The following TMEM272 variants were observed in gnomAD, a reference collection of about 807,000 sequenced individuals.
TMEM272 encodes the protein long intergenic non-protein coding RNA 282.
Under a neutral mutation model 3.7 loss-of-function variants are expected in TMEM272, and 8 were observed. The ratio of observed to expected loss-of-function variants is 2.17; its 90% CI spans 1.27 to 3.91. The LOEUF is 3.91. TMEM272 is among the 30% of genes most tolerant of loss of function. The probability of loss-of-function intolerance (pLI) is 0.00; values close to 1 mark genes in which losing one functional copy is unlikely to be tolerated. For missense variants in TMEM272, 166 were observed against 91.5 expected (o/e 1.81, Z -3.32); for synonymous variants, 63 against 39.8 (o/e 1.58, Z -2.20).
chr13:51,833,132 C>T lies in TMEM272; in HGVS notation c.58+5341G>A, dbSNP rs183787513. ...TGGCTTTTCTGTCAAAGGAAAAAAGCCCAGAGGAAACAAAAGATTTGAGAG... is the reference window on the plus strand; with the variant it reads ...TGGCTTTTCTGTCAAAGGAAAAAAGTCCAGAGGAAACAAAAGATTTGAGAG... On this transcript the variant is annotated intron_variant, in intron 2 of 4. Coordinates refer to ENST00000629372, the MANE Select transcript of TMEM272 (RefSeq NM_001351003.2). 1.4e-3 allele frequency among the ~76,000 whole-genome samples: 210 copies of T among 152,012 alleles called. 2 individuals carry two copies. Among genetic ancestry groups the T allele is most frequent in the African/African-American group, 4.8e-3 (201 of 41,456 alleles).
At chr13:51,905,832 T>C in the TMEM272 span, among the ~76,000 whole-genome samples, 1 of 152,228 alleles carries the variant, frequency 6.6e-6, no homozygotes, top group Non-Finnish European at 1.5e-5. Flanking sequence ...GGTTCTATGA[T>C]GGAGAGCAAC....
chr13:51,820,763 G>A (rs1195768599), intron 4 of TMEM272, among the ~76,000 whole-genome samples: 2 of 152,186 alleles, frequency 1.3e-5, no homozygotes, highest in Non-Finnish European at 2.9e-5. Flanking sequence ...GGGGGCCATG[G>A]GGAAAATGTG....
chr13:51,925,678 A>G, the TMEM272 span, among the ~76,000 whole-genome samples: 12 of 152,094 alleles, frequency 7.9e-5, no homozygotes, highest in African/African-American at 2.9e-4. Flanking sequence ...CAGCTTGCCA[A>G]GGAGAGACAC....
chr13:51,897,594 T>C, the TMEM272 span, among the ~76,000 whole-genome samples: 1 of 151,970 alleles, frequency 6.6e-6, no homozygotes, highest in East Asian at 1.9e-4. Flanking sequence ...GCCAAGATGA[T>C]TTCCTTTATA....
chr13:51,829,115 C>T (rs1480223394), intron 2 of TMEM272, among the ~76,000 whole-genome samples: 1 of 151,904 alleles, frequency 6.6e-6, no homozygotes, highest in Non-Finnish European at 1.5e-5. Flanking sequence ...TCCAATGTTC[C>T]GATAAAAACA....
chr13:51,888,573 AT>A, the TMEM272 span, among the ~76,000 whole-genome samples: 1 of 150,764 alleles, frequency 6.6e-6, no homozygotes, highest in African/African-American at 2.4e-5. Flanking sequence ...ACATGACAGC[AT>A]TTTATAGGAA....
chr13:51,933,436 A>T, the TMEM272 span: 1 of 152,246 alleles, frequency 6.6e-6, no homozygotes, highest in Non-Finnish European at 1.5e-5. Context: ...AAAAATCACT[A>T]AAACTATTTT....
chr13:51,832,253 G>A (rs371614151), intron 2 of TMEM272, among the ~76,000 whole-genome samples: 6 of 152,248 alleles, frequency 3.9e-5, no homozygotes, highest in East Asian at 1.9e-4. Context: ...GCTGCCATCC[G>A]GTTATCAGTC....
Position 51,816,652 on chromosome 13 carries a change from C to G in TMEM272, c.*99G>C. The G allele has an allele frequency of 1.7e-6, 1 of 583,550 alleles. No homozygotes were observed. Among genetic ancestry groups the G allele is most frequent in the South Asian group, 2.1e-5 (1 of 47,938 alleles). 36.1% of individuals were successfully genotyped at this position (583,550 alleles called of 1,614,324 possible). ...TATTACCTTTATGCCCTTCTCTGAA[C>G]CTGTGTGTGTGTGTGTGTGTGTGTG... On this transcript the variant is annotated 3_prime_UTR_variant, in exon 5 of 5. Coordinates refer to ENST00000629372, the MANE Select transcript of TMEM272 (RefSeq NM_001351003.2).
intron 2 of TMEM272, among the ~76,000 whole-genome samples, chr13:51,836,029 C>T (rs752398561): frequency 2.0e-5 from 3 of 152,148 alleles, no homozygotes; most frequent in Non-Finnish European, 4.4e-5. Context: ...TGTCATGTCT[C>T]CTCTGCCTGC....
chr13:51,907,659 A>G, the TMEM272 span, among the ~76,000 whole-genome samples: 3 of 152,092 alleles, frequency 2.0e-5, no homozygotes, highest in Non-Finnish European at 4.4e-5. Context: ...CATCACTCCT[A>G]TCTTCTCGCT....
intron 1 of TMEM272, among the ~76,000 whole-genome samples, chr13:51,840,574 G>A (rs1417362620): frequency 6.6e-6 from 1 of 152,140 alleles, no homozygotes; most frequent in East Asian, 1.9e-4. Flanking sequence ...CAATCCCTGG[G>A]AATCCCAAAG....
chr13:51,863,708 C>CACACACACACACACA, the TMEM272 span, among the ~76,000 whole-genome samples: 1 of 141,022 alleles, frequency 7.1e-6, no homozygotes, highest in Non-Finnish European at 1.6e-5. Context: ...CACACACACA[C>CACACACACACACACA]ACCAGCTATG....
At chr13:51,883,986 G>T in the TMEM272 span, among the ~76,000 whole-genome samples, 4 of 152,206 alleles carry the variant, frequency 2.6e-5, no homozygotes, top group Non-Finnish European at 5.9e-5. Flanking sequence ...AAAAGTCTGT[G>T]TTGCCCTTTT....
the TMEM272 span, among the ~76,000 whole-genome samples, chr13:51,856,934 G>A: frequency 5.8e-3 from 881 of 152,236 alleles, 9 homozygotes; most frequent in Admixed American, 0.018. Flanking sequence ...AGGATAATAC[G>A]TCTGAATAAG....
the TMEM272 span, chr13:51,909,887 T>C: frequency 3.7e-5 from 59 of 1,597,738 alleles, no homozygotes; most frequent in East Asian, 1.2e-3. Context: ...AGTCTTCAAA[T>C]GTTATTTTCT....
upstream of TMEM272, among the ~76,000 whole-genome samples, chr13:51,847,751 G>C (rs560719449): frequency 1.3e-4 from 20 of 152,246 alleles, no homozygotes; most frequent in South Asian, 1.5e-3. Flanking sequence ...CATAAGCCTG[G>C]CCTGGACGTG....
intron 1 of TMEM272, among the ~76,000 whole-genome samples, chr13:51,839,975 TAGTC>T: frequency 6.6e-6 from 1 of 152,232 alleles, no homozygotes; most frequent in African/African-American, 2.4e-5. Context: ...TGACCAGAGA[TAGTC>T]AGTCCCCAAC....
At chr13:51,818,065 T>G (rs1371853821) in intron 4 of TMEM272, among the ~76,000 whole-genome samples, 1 of 152,204 alleles carries the variant, frequency 6.6e-6, no homozygotes, top group African/African-American at 2.4e-5. Context: ...AAGCCTGACC[T>G]GTGTATCTGC....
Sources: gnomAD v4.1 joint callset for allele counts (sites outside exome capture counted in the v4.1 genomes callset) on GRCh38, gnomAD v4.1.1 for gene constraint, MANE v1.5 for transcripts, NCBI Gene and HGNC (gene_info 2026-07-23, HGNC 2026-07-21) for gene names.